Variants in ICE1 observed in about 807,000 individuals in gnomAD.
ICE1 encodes the protein little elongation complex subunit 1.
In ICE1, 64 loss-of-function variants were observed where a neutral mutation model predicts 192.7. The ratio of observed to expected loss-of-function variants is 0.33; its 90% confidence interval spans 0.27 to 0.41. The LOEUF is 0.41. Ranked by LOEUF, ICE1 falls within the 10% of genes least tolerant of loss-of-function variation. The pLI, the probability that ICE1 is intolerant of heterozygous loss-of-function variation, is 1.00. For missense variants in ICE1, 2,708 were observed against 2,696.0 expected (o/e 1.00, Z -0.10); for synonymous variants, 1,010 against 984.5 (o/e 1.03, Z -0.49).
Position 5,462,725 on chromosome 5 carries a change from A to C in ICE1, c.3391A>C (p.Lys1131Gln). The change falls in exon 13 of 19, where the codon AAA becomes CAA. Residue 1131 changes from lysine (K) to glutamine (Q), a missense_variant. Around this residue, in one of 2 missense-constraint regions of ICE1, gnomAD observed 2,366 missense variants for 2,276.6 expected, o/e 1.04. Coordinates refer to ENST00000296564, the MANE Select transcript of ICE1 (RefSeq NM_015325.3). ...EQQDAPDDSQKNLGDTDAAVA... is the reference protein window; with the variant it reads ...EQQDAPDDSQQNLGDTDAAVA... ...GCAAGATGCTCCTGATGACTCACAG[A>C]AAAATTTAGGAGACACAGATGCTGC... 1.5e-5 allele frequency: 24 copies of C among 1,613,856 alleles called. No homozygotes were observed. The highest frequency in any genetic ancestry group is 1.9e-5 in the Non-Finnish European group (23 of 1,179,806).
rs1739230162 is a variant in ICE1, at chr5:5,473,710, C to T, written c.6375C>T (p.Cys2125=). Residue 2125 remains cysteine, a synonymous_variant, in exon 16 of 19, where the codon TGC becomes TGT. Transcript: ENST00000296564. ...EYIFAIDLLC[C]HQKWIWTHDN... ...TATTTGCCATTGATCTGCTCTGCTG[C>T]CATCAGAAATGGATCTGGACGCATG... 2 of 1,610,044 alleles carry T rather than the reference C, an allele frequency of 1.2e-6. No individual in the cohort carries two copies. Among genetic ancestry groups the T allele is most frequent in the Middle Eastern group, 1.7e-4 (1 of 6,054 alleles).
intron 14 of ICE1, among the ~76,000 whole-genome samples, 189 bp downstream of exon 14, chr5:5,466,691 T>A (rs1257396143): frequency 6.6e-6 from 1 of 152,260 alleles, no homozygotes; most frequent in Non-Finnish European, 1.5e-5. Context: ...ATCAGCACTA[T>A]ATTTCCACTT....
In ICE1 at chr5:5,457,695, C is replaced by T. The variant is rs773198104; in HGVS notation, c.1055C>T (p.Pro352Leu). Reference protein sequence around the residue: ...PLLSPVPSPPPMSSPHPGSLP... With the variant: ...PLLSPVPSPPLMSSPHPGSLP... ...CTGTCACCAGTGCCCTCGCCCCCTCCGATGTCATCACCTCACCCGGGTTCC... is the reference window on the plus strand; with the variant it reads ...CTGTCACCAGTGCCCTCGCCCCCTCTGATGTCATCACCTCACCCGGGTTCC... The change falls in exon 12 of 19, where the codon CCG (proline) becomes CTG (leucine). Residue 352 changes from proline to leucine, a missense_variant. Transcript: ENST00000296564. 168 of 1,613,698 alleles carry T rather than the reference C, an allele frequency of 1.0e-4. No individual in the cohort carries two copies. The highest frequency in any genetic ancestry group is 2.3e-4 in the Admixed American group (14 of 59,990).
At chr5:5,478,732 T>G (rs1739413364) in intron 17 of ICE1, among the ~76,000 whole-genome samples, 1 of 152,174 alleles carries the variant, frequency 6.6e-6, no homozygotes, top group African/African-American at 2.4e-5. Context: ...AGCATGATAC[T>G]GATACCAAAA....
chr5:5,443,277 G>A, intron 6 of ICE1, 33 bp downstream of exon 6: 1 of 1,154,450 alleles, frequency 8.7e-7, no homozygotes, highest in Non-Finnish European at 1.2e-6. Context: ...TAGAAATACG[G>A]TTTTCAGTTT....
At chr5:5,446,731 G>T (rs1434823397) in intron 7 of ICE1, among the ~76,000 whole-genome samples, 1 of 152,102 alleles carries the variant, frequency 6.6e-6, no homozygotes, top group Admixed American at 6.5e-5. Context: ...ACTTAATAAA[G>T]ATTACTGAGA....
In ICE1 at chr5:5,443,243, C is replaced by T. The variant is rs1420999813; in HGVS notation, c.385C>T (p.Gln129Ter). The T allele has an allele frequency of 2.8e-6, 4 of 1,447,480 alleles. No homozygotes were observed. The highest frequency in any genetic ancestry group is 1.9e-6 in the Non-Finnish European group (2 of 1,075,758). The allele number at this position is 1,447,480 out of a possible 1,614,324, so 89.7% of individuals were successfully genotyped here. ...VKEECLKSDA[Q>*]KKKLEAKVKK... is the part of the protein sequence containing the mutation. ...GGAAGAATGCTTGAAGAGTGATGCTCAGTAAGTAGTTACTAAATTACTATA... is the reference window on the plus strand; with the variant it reads ...GGAAGAATGCTTGAAGAGTGATGCTTAGTAAGTAGTTACTAAATTACTATA... The change falls in exon 6 of 19, where the codon CAG becomes TAG. Residue 129 changes from glutamine (Q) to a stop codon, truncating the protein, a stop_gained and splice_region_variant. Transcript: ENST00000296564. LOFTEE classifies it high-confidence loss of function.
At chr5:5,476,137 TG>T in intron 17 of ICE1, 58 bp downstream of exon 17, 1 of 841,680 alleles carries the variant, frequency 1.2e-6, no homozygotes. Context: ...GGTGGAAGGC[TG>T]GGGGGTTAAC....
rs747920309 is a variant in ICE1, at chr5:5,457,640, A to T, written c.1000A>T (p.Ile334Phe). The T allele has an allele frequency of 1.2e-6, 2 of 1,613,868 alleles. No individual in the cohort carries two copies. Among genetic ancestry groups the T allele is most frequent in the Admixed American group, 3.3e-5 (2 of 60,012 alleles). The change falls in exon 12 of 19, where the codon ATT becomes TTT. Residue 334 changes from isoleucine (I) to phenylalanine (F), a missense_variant. By Grantham distance (21) the Ile-to-Phe change is conservative. Around this residue, in one of 2 missense-constraint regions of ICE1, gnomAD observed 2,366 missense variants for 2,276.6 expected, o/e 1.04. Transcript: ENST00000296564. ...TTTTGATGAAGATCTTCAAGCTGCAATTGACTTCTTCAAACTTCCCCCTCC... is the reference window on the plus strand; with the variant it reads ...TTTTGATGAAGATCTTCAAGCTGCATTTGACTTCTTCAAACTTCCCCCTCC... ...HFFDEDLQAA[I>F]DFFKLPPPLL... is the part of the protein sequence containing the mutation.
chr5:5,449,657 G>C (rs1347010984), intron 10 of ICE1, among the ~76,000 whole-genome samples: 1 of 152,196 alleles, frequency 6.6e-6, no homozygotes, highest in East Asian at 1.9e-4. Context: ...ATGGCAGGGA[G>C]TGGGAGAAGG....
chr5:5,426,928 A>G (rs1213587062), intron 1 of ICE1, among the ~76,000 whole-genome samples: 1 of 152,208 alleles, frequency 6.6e-6, no homozygotes, highest in African/African-American at 2.4e-5. Flanking sequence ...CATGCAGAGA[A>G]TTTACAAGTG....
In ICE1 at chr5:5,464,914, G is replaced by A; in HGVS notation, c.5580G>A (p.Arg1860=). 1.2e-6 allele frequency: 2 copies of A among 1,613,412 alleles called. No individual in the cohort carries two copies. The highest frequency in any genetic ancestry group is 1.7e-6 in the Non-Finnish European group (2 of 1,179,648). Residue 1860 remains arginine (R), a synonymous_variant, in exon 13 of 19, where the codon AGG becomes AGA. Coordinates refer to ENST00000296564, the MANE Select transcript of ICE1 (RefSeq NM_015325.3). The surrounding 1 kb of genome is among the most constrained non-coding windows in gnomAD (Gnocchi z 4.0). ...LDTGSPEPET[R]GVTAEGIHKN... ...CTGGGTCCCCAGAACCAGAAACCAG[G>A]GGAGTCACTGCAGAAGGAATCCACA...
At chr5:5,480,036 T>C (rs752078947) in intron 17 of ICE1, among the ~76,000 whole-genome samples, 6 of 152,112 alleles carry the variant, frequency 3.9e-5, no homozygotes, top group Non-Finnish European at 7.4e-5. Context: ...TCATGGCACA[T>C]GTATACCTAT....
At chr5:5,454,497 C>T in intron 10 of ICE1, 55 bp from the exon 11 acceptor site, 1 of 1,204,122 alleles carries the variant, frequency 8.3e-7, no homozygotes, top group East Asian at 2.3e-5. Context: ...TATGTTCTGG[C>T]CTTGTGTACG....
intron 7 of ICE1, among the ~76,000 whole-genome samples, chr5:5,445,421 T>A (rs1738187201): frequency 1.3e-5 from 2 of 152,250 alleles, no homozygotes; most frequent in Middle Eastern, 3.4e-3. Context: ...TTAAACTTTT[T>A]AAATTTTTTA....
chr5:5,461,949 G>A lies in ICE1; in HGVS notation c.2615G>A (p.Ser872Asn). Residue 872 changes from serine (S) to asparagine (N), a missense_variant, in exon 13 of 19, where the codon AGT becomes AAT. Ser to Asn is a conservative substitution (Grantham distance 46). Transcript: ENST00000296564. Reference protein sequence around the residue: ...TKQTRPEKVQSAKLEHLRPHR... With the variant: ...TKQTRPEKVQNAKLEHLRPHR... ...CAGACAAGACCTGAAAAGGTTCAGA[G>A]TGCCAAATTGGAACACTTGAGGCCA... The A allele has an allele frequency of 1.2e-6, 2 of 1,613,894 alleles. No individual in the cohort carries two copies. Among genetic ancestry groups the A allele is most frequent in the Non-Finnish European group, 1.7e-6 (2 of 1,179,896 alleles).
intron 10 of ICE1, 111 bp from the exon 11 acceptor site, chr5:5,454,441 T>G: frequency 1.5e-6 from 1 of 662,834 alleles, no homozygotes; most frequent in Non-Finnish European, 2.7e-6. Flanking sequence ...GGGGAAGATG[T>G]ATATGTAATT....
chr5:5,466,630 A>G (rs1579570127), intron 14 of ICE1, 128 bp downstream of exon 14: 2 of 829,198 alleles, frequency 2.4e-6, no homozygotes, highest in South Asian at 3.8e-5. Context: ...TGTCCATTGA[A>G]TAGCTTTAGC....
At position 5,463,410 on chromosome 5, in the gene ICE1, G is replaced by A. The variant is rs890571395; in HGVS notation, c.4076G>A (p.Gly1359Glu). The change falls in exon 13 of 19, where the codon GGG becomes GAG. Residue 1359 changes from glycine (G) to glutamate (E), a missense_variant. Gly to Glu is a moderately conservative substitution (Grantham distance 98). This residue lies in a region of ICE1 where 2,366 missense variants were observed against 2,276.6 expected (regional missense o/e 1.04). Coordinates refer to ENST00000296564, the MANE Select transcript of ICE1 (RefSeq NM_015325.3). ...RSDAGRQTDG[G>E]EEDLPEPVEP... ...GATGCAGGCAGGCAAACCGATGGTGGGGAAGAAGACCTGCCAGAACCTGTG... is the reference window on the plus strand; with the variant it reads ...GATGCAGGCAGGCAAACCGATGGTGAGGAAGAAGACCTGCCAGAACCTGTG... The A allele has an allele frequency of 1.2e-6, 2 of 1,613,524 alleles. No homozygotes were observed. Among genetic ancestry groups the A allele is most frequent in the African/African-American group, 2.7e-5 (2 of 74,892 alleles).
Sources: allele counts gnomAD v4.1 joint callset (sites outside exome capture counted in the v4.1 genomes callset), GRCh38; gene constraint gnomAD v4.1.1; regional missense constraint gnomAD v4.1.1; non-coding constraint Gnocchi (gnomAD v3.1); transcripts MANE v1.5; gene names NCBI Gene and HGNC (gene_info 2026-07-23, HGNC 2026-07-21).